The following CLECL1 variants were observed in gnomAD, a reference collection of about 807,000 sequenced individuals.
CLECL1 encodes C-type lectin like 1.
At chr12:9,712,822 T>C (rs906810124), downstream of CLECL1, among the ~76,000 whole-genome samples, 25 of 152,312 alleles carry the variant, frequency 1.6e-4, no homozygotes, top group African/African-American at 5.8e-4. Flanking sequence ...AGCTTTTTTA[T>C]GTAAGTACAA....
chr12:9,705,627 CCAGTTCTCCCAGCACTATTTA>C, the CLECL1 span, among the ~76,000 whole-genome samples: 1 of 152,158 alleles, frequency 6.6e-6, no homozygotes, highest in African/African-American at 2.4e-5. Context: ...ATATGGCTAG[CCAGTTCTCCCAGCACTATTTA>C]CAGGGGAATC....
chr12:9,721,218 C>CT (rs113130897), downstream of CLECL1, among the ~76,000 whole-genome samples: 34,941 of 149,608 alleles, frequency 0.23, 5,324 homozygotes, highest in African/African-American at 0.44. Context: ...ACTAATAATC[C>CT]TTTTTTTTTT....
At chr12:9,732,458 T>A (rs59148752) in intron 1 of CLECL1, among the ~76,000 whole-genome samples, 5,168 of 152,334 alleles carry the variant, frequency 0.034, 296 homozygotes, top group African/African-American at 0.12. Context: ...TAGTCATTAA[T>A]TCTAGACTTT....
intron 1 of CLECL1, among the ~76,000 whole-genome samples, chr12:9,730,197 C>T (rs767040267): frequency 3.3e-5 from 5 of 152,316 alleles, no homozygotes; most frequent in Admixed American, 3.3e-4. Flanking sequence ...GAGAGCAGAG[C>T]TGATATCTAA....
At chr12:9,717,261 T>A (rs1335356961) in intron 2 of CLECL1, among the ~76,000 whole-genome samples, 2 of 152,064 alleles carry the variant, frequency 1.3e-5, no homozygotes, top group African/African-American at 4.8e-5. Flanking sequence ...ATACAAAAAC[T>A]TAGCTGGGCG....
the CLECL1 span, among the ~76,000 whole-genome samples, chr12:9,704,370 A>T: frequency 1.3e-5 from 2 of 152,170 alleles, no homozygotes; most frequent in East Asian, 3.8e-4. Context: ...CACAATTTTC[A>T]TATAGAGAGG....
chr12:9,714,077 T>C (rs1030384553), downstream of CLECL1, among the ~76,000 whole-genome samples: 3 of 152,150 alleles, frequency 2.0e-5, no homozygotes, highest in Non-Finnish European at 4.4e-5. Flanking sequence ...TTCATAAGAG[T>C]CTCTTGCCAG....
downstream of CLECL1, among the ~76,000 whole-genome samples, chr12:9,714,888 T>C (rs1866223397): frequency 6.6e-6 from 1 of 152,232 alleles, no homozygotes; most frequent in Non-Finnish European, 1.5e-5. Context: ...CTGGCACATT[T>C]AGTTTATCAT....
the CLECL1 span, among the ~76,000 whole-genome samples, chr12:9,705,031 A>G: frequency 0.017 from 2,518 of 152,262 alleles, 61 homozygotes; most frequent in African/African-American, 0.054. Context: ...CCCACCAACA[A>G]CGTAAAAGCA....
downstream of CLECL1, chr12:9,718,511 G>A (rs1439130640): frequency 1.1e-5 from 3 of 264,558 alleles, 1 homozygote; most frequent in Non-Finnish European, 6.9e-6. Context: ...TGGGCTGTGG[G>A]GCCCAGAGAG....
At chr12:9,732,222 TTTAAA>T (rs1866456206) in intron 1 of CLECL1, among the ~76,000 whole-genome samples, 1 of 152,166 alleles carries the variant, frequency 6.6e-6, no homozygotes, top group South Asian at 2.1e-4. Context: ...AAGGAGGAAC[TTTAAA>T]TTATTTAAAA....
intron 3 of CLECL1, among the ~76,000 whole-genome samples, chr12:9,725,865 TG>T: frequency 6.6e-6 from 1 of 152,190 alleles, no homozygotes; most frequent in South Asian, 2.1e-4. Context: ...AAGGGCAAGG[TG>T]GCCCTTCATG....
At chr12:9,707,540 A>G in the CLECL1 span, among the ~76,000 whole-genome samples, 1 of 152,136 alleles carries the variant, frequency 6.6e-6, no homozygotes, top group Admixed American at 6.6e-5. Context: ...CTTCTGCCCT[A>G]CTGCCATGAG....
downstream of CLECL1, chr12:9,722,528 A>G (rs1866325880): frequency 3.5e-6 from 5 of 1,438,254 alleles, 1 homozygote; most frequent in East Asian, 4.9e-5. Context: ...TAATATTTGT[A>G]TAGTTAATAA....
chr12:9,725,413 G>A (rs13377908), intron 3 of CLECL1, among the ~76,000 whole-genome samples: 32,816 of 151,824 alleles, frequency 0.22, 4,418 homozygotes, highest in African/African-American at 0.39. Context: ...TAATTATTGC[G>A]AAAGATAGAG....
chr12:9,730,494 T>C (rs1866434047), intron 1 of CLECL1, among the ~76,000 whole-genome samples: 1 of 152,212 alleles, frequency 6.6e-6, no homozygotes, highest in Non-Finnish European at 1.5e-5. Flanking sequence ...TAGATTATTA[T>C]TGAGTGCATT....
At chr12:9,723,203 A>T (rs1217298236) in intron 3 of CLECL1, among the ~76,000 whole-genome samples, 1 of 152,228 alleles carries the variant, frequency 6.6e-6, no homozygotes. Flanking sequence ...GGGAGTTTAT[A>T]TCACACTAGT....
intron 2 of CLECL1, among the ~76,000 whole-genome samples, chr12:9,729,175 T>C (rs1866415945): frequency 6.6e-6 from 1 of 152,086 alleles, no homozygotes; most frequent in Admixed American, 6.5e-5. Flanking sequence ...TTTAGACAAA[T>C]TTCTCACCTG....
chr12:9,722,242 T>A (rs903961769), downstream of CLECL1, among the ~76,000 whole-genome samples: 5 of 152,230 alleles, frequency 3.3e-5, no homozygotes, highest in Admixed American at 2.6e-4. Context: ...ATACTAAATC[T>A]AAGTAAGAGA....
Sources: allele counts gnomAD v4.1 joint callset (sites outside exome capture counted in the v4.1 genomes callset), GRCh38; gene constraint gnomAD v4.1.1; transcripts MANE v1.5; gene names NCBI Gene and HGNC (gene_info 2026-07-23, HGNC 2026-07-21).